The following CUBN variants were observed in gnomAD, a reference collection of about 807,000 sequenced individuals.
CUBN encodes the protein cubilin, also known as 460 kDa receptor.
In CUBN, 282 loss-of-function variants were observed where a neutral mutation model predicts 405.3. The observed-to-expected ratio is 0.70, with a 90% CI of 0.63 to 0.77. CUBN has a LOEUF of 0.77. Ranked by LOEUF, CUBN falls within the 30% of genes least tolerant of loss-of-function variation. The probability of loss-of-function intolerance (pLI) is 0.00; values close to 1 mark genes in which losing one functional copy is unlikely to be tolerated. For synonymous variants in CUBN, 1,684 were observed against 1,617.0 expected, an observed-to-expected ratio of 1.04 and a Z score of -0.99; for missense variants, 4,514 against 4,475.2, an observed-to-expected ratio of 1.01 and a Z score of -0.25.
intron 22 of CUBN, among the ~76,000 whole-genome samples, chr10:17,056,157 C>T (rs1459388382): frequency 6.6e-6 from 1 of 151,976 alleles, no homozygotes; most frequent in East Asian, 1.9e-4. Context: ...AATGCAAAAG[C>T]AATTCAGTGG....
intron 28 of CUBN, among the ~76,000 whole-genome samples, chr10:17,017,452 C>T (rs1834356741): frequency 6.6e-6 from 1 of 152,160 alleles, no homozygotes; most frequent in Admixed American, 6.5e-5. Context: ...GTACTGGGAC[C>T]TTACCCGCAT....
rs556960570 is a variant in CUBN at position 17,066,814 on chromosome 10, A to G, written c.3009-1176T>C. Among the ~76,000 whole-genome samples, 193 of 152,328 alleles carry G rather than the reference A, an allele frequency of 1.3e-3. 1 individual carries two copies. Among genetic ancestry groups the G allele is most frequent in the African/African-American group, 4.4e-3 (185 of 41,594 alleles). On this transcript the variant is annotated intron_variant, in intron 21 of 66. Transcript: ENST00000377833. ...CAAGATAAAGACATTTTAAAATATC[A>G]AAAGATTTCCATTTCCAACAGAAAT... is the stretch of plus-strand genomic sequence containing the variant.
chr10:16,900,763 G>GTGA lies in CUBN; in HGVS notation c.8269_8271dup (p.Ser2757dup). 1 of 1,613,982 alleles carries GTGA rather than the reference G, an allele frequency of 6.2e-7. No individual in the cohort carries two copies. Among genetic ancestry groups the GTGA allele is most frequent in the South Asian group, 1.1e-5 (1 of 91,078 alleles). On this transcript the variant is annotated inframe_insertion, in exon 53 of 67. Coordinates refer to ENST00000377833, the MANE Select transcript of CUBN (RefSeq NM_001081.4). ...TTTCCACAGTATTGTCCTATGATGG[G>GTGA]TGATTCAGGGGACCCACCATTCCTG...
intron 27 of CUBN, among the ~76,000 whole-genome samples, chr10:17,024,221 G>A (rs1310419767): frequency 2.0e-5 from 3 of 152,110 alleles, no homozygotes; most frequent in South Asian, 2.1e-4. Context: ...CACCACGTGT[G>A]GTCAATCACT....
At chr10:17,117,358 T>A (rs1482253983) in intron 6 of CUBN, among the ~76,000 whole-genome samples, 1 of 152,158 alleles carries the variant, frequency 6.6e-6, no homozygotes, top group Non-Finnish European at 1.5e-5. Flanking sequence ...CAACAATGTT[T>A]AAGAATCTTT....
At chr10:16,945,483 C>G (rs891874011) in intron 36 of CUBN, among the ~76,000 whole-genome samples, 1 of 151,988 alleles carries the variant, frequency 6.6e-6, no homozygotes, top group Non-Finnish European at 1.5e-5. Context: ...CAAAGACAAA[C>G]CAGGCCAGGC....
intron 48 of CUBN, among the ~76,000 whole-genome samples, chr10:16,910,569 A>G (rs536563421): frequency 6.6e-6 from 1 of 152,188 alleles, no homozygotes; most frequent in South Asian, 2.1e-4. Context: ...GGGCCCCCTC[A>G]TGCATACAGA....
chr10:16,964,776 G>A (rs907260695), intron 31 of CUBN, among the ~76,000 whole-genome samples: 1 of 152,184 alleles, frequency 6.6e-6, no homozygotes, highest in African/African-American at 2.4e-5. Flanking sequence ...GCTGCCGCCA[G>A]GAATGTATCA....
chr10:16,898,971 C>A (rs1270824331), intron 54 of CUBN, 25 bp downstream of exon 54: 1 of 1,547,216 alleles, frequency 6.5e-7, no homozygotes, highest in Non-Finnish European at 8.9e-7. Context: ...AACTTGGCTC[C>A]AATTAAATGA....
chr10:16,891,678 T>G (rs1294369331), intron 54 of CUBN, among the ~76,000 whole-genome samples: 2 of 151,840 alleles, frequency 1.3e-5, no homozygotes, highest in African/African-American at 4.8e-5. Context: ...TCAAGGAAAG[T>G]ATGCATATTA....
rs530636726 is a variant in CUBN, at chr10:16,874,548, C to T, written c.9107-45G>A. 1.9e-6 allele frequency: 3 copies of T among 1,611,368 alleles called. No homozygotes were observed. The Admixed American group carries it at 5.0e-5, about 27-fold the overall frequency. The stretch of plus-strand genomic sequence containing the variant: ...AATATGAAGAGAACAACGATTAGTC[C>T]CAGCATGGAAAAATGATTTTAAGAG... On this transcript the variant is annotated intron_variant, in intron 57 of 66. Transcript: ENST00000377833.
chr10:17,026,296 G>A (rs1280122573), intron 27 of CUBN, among the ~76,000 whole-genome samples: 2 of 152,128 alleles, frequency 1.3e-5, no homozygotes, highest in African/African-American at 4.8e-5. Context: ...TAAATTTGAA[G>A]GGCTTTGAAA....
intron 23 of CUBN, among the ~76,000 whole-genome samples, chr10:17,047,087 T>C (rs1446841551): frequency 6.6e-6 from 1 of 152,206 alleles, no homozygotes; most frequent in Admixed American, 6.5e-5. Flanking sequence ...ACATCGATTT[T>C]ACATAATTAA....
At chr10:16,875,207 C>T (rs1840464326) in intron 57 of CUBN, among the ~76,000 whole-genome samples, 1 of 151,962 alleles carries the variant, frequency 6.6e-6, no homozygotes, top group Non-Finnish European at 1.5e-5. Flanking sequence ...GAGCCTTGAG[C>T]TAGATCCATT....
At chr10:16,970,114 A>T (rs1687699) in intron 31 of CUBN, among the ~76,000 whole-genome samples, 6 of 152,160 alleles carry the variant, frequency 3.9e-5, no homozygotes, top group Non-Finnish European at 7.3e-5. Context: ...AGAAACAAGC[A>T]CCTGGCAGTG....
chr10:16,889,530 T>C (rs558247947), intron 55 of CUBN, among the ~76,000 whole-genome samples: 2 of 152,090 alleles, frequency 1.3e-5, no homozygotes, highest in Non-Finnish European at 1.5e-5. Flanking sequence ...TCCTTCCTAA[T>C]CAAAATTAGG....
At chr10:17,124,452 G>T (rs1323256412) in intron 4 of CUBN, among the ~76,000 whole-genome samples, 1 of 148,520 alleles carries the variant, frequency 6.7e-6, no homozygotes, top group East Asian at 2.0e-4. Flanking sequence ...TTTTTGAGAC[G>T]GAGTCTTGCT....
At chr10:16,900,287 C>G (rs1185548341) in intron 53 of CUBN, among the ~76,000 whole-genome samples, 1 of 152,200 alleles carries the variant, frequency 6.6e-6, no homozygotes, top group East Asian at 1.9e-4. Flanking sequence ...CTTGAGATTC[C>G]CAGGTTGTGC....
At chr10:17,118,045 T>C (rs1227536381) in intron 6 of CUBN, among the ~76,000 whole-genome samples, 1 of 152,238 alleles carries the variant, frequency 6.6e-6, no homozygotes, top group African/African-American at 2.4e-5. Context: ...TTCTGGTTCA[T>C]GGACCTGCAG....
Sources: allele counts gnomAD v4.1 joint callset (sites outside exome capture counted in the v4.1 genomes callset), GRCh38; gene constraint gnomAD v4.1.1; transcripts MANE v1.5; gene names NCBI Gene and HGNC (gene_info 2026-07-23, HGNC 2026-07-21).